OR1A1: variants seen among roughly 807,000 people sequenced by gnomAD.
OR1A1 encodes the protein olfactory receptor family 1 subfamily A member 1.
For missense variants in OR1A1, 391 were observed against 379.9 expected, an observed-to-expected ratio of 1.03 and a Z score of -0.24; for synonymous variants, 145 against 147.8, an observed-to-expected ratio of 0.98 and a Z score of 0.13.
At position 3,216,718 on chromosome 17, in the gene OR1A1, G is replaced by A; in HGVS notation, c.*168G>A. The A allele has an allele frequency of 1.7e-6, 1 of 580,408 alleles. No homozygotes were observed. Among genetic ancestry groups the A allele is most frequent in the South Asian group, 2.8e-5 (1 of 36,010 alleles). The allele number at this position is 580,408 out of a possible 1,614,324, so 36.0% of individuals were successfully genotyped here. On this transcript the variant is annotated 3_prime_UTR_variant, in exon 4 of 4. Coordinates refer to ENST00000641732, the MANE Select transcript of OR1A1 (RefSeq NM_014565.3). ...AATAAGTTAATAATAAGTGATTATT[G>A]AAATTACCACTTTCAACTCATTGCT...
chr17:3,210,852 C>T lies in OR1A1; in HGVS notation c.-138-1615C>T, dbSNP rs527816224. Reference sequence around the variant, plus strand: ...AACTCCTGGCCTCAGGTGATCTGCCCGCCTCAGCCTCCCAAAGTGCTGGGA... The same window carrying T: ...AACTCCTGGCCTCAGGTGATCTGCCTGCCTCAGCCTCCCAAAGTGCTGGGA... On this transcript the variant is annotated intron_variant, in intron 2 of 3. Coordinates refer to ENST00000641732, the MANE Select transcript of OR1A1 (RefSeq NM_014565.3). Among the ~76,000 whole-genome samples, 6 of 152,078 alleles carry T rather than the reference C, an allele frequency of 3.9e-5. No homozygotes were observed. In the East Asian group the frequency reaches 5.8e-4, roughly 15 times the overall value.
chr17:3,217,912 C>T lies in OR1A1; in HGVS notation c.*1362C>T, dbSNP rs2150598221. 6.6e-6 allele frequency: 1 copy of T among 152,226 alleles called. No individual in the cohort carries two copies. The highest frequency in any genetic ancestry group is 2.4e-5 in the African/African-American group (1 of 41,538). The allele number at this position is 152,226 out of a possible 1,614,324, so 9.4% of individuals were successfully genotyped here. ...CACCAAAAGCAATGGCAACAAAAGCCAAAATTGACAAATGGGATCTAATTA... is the reference window on the plus strand; with the variant it reads ...CACCAAAAGCAATGGCAACAAAAGCTAAAATTGACAAATGGGATCTAATTA... On this transcript the variant is annotated 3_prime_UTR_variant, in exon 4 of 4. Coordinates refer to ENST00000641732, the MANE Select transcript of OR1A1 (RefSeq NM_014565.3).
At chr17:3,215,322 T>C in intron 3 of OR1A1, 1 of 348,672 alleles carries the variant, frequency 2.9e-6, no homozygotes. Context: ...ATGACAATTA[T>C]TTGTTATATG....
At chr17:3,214,347 A>C (rs2048456342) in intron 3 of OR1A1, 2 of 122,124 alleles carry the variant, frequency 1.6e-5, no homozygotes, top group Admixed American at 1.6e-4. Context: ...TAAAAATACA[A>C]ACAATAACAA....
chr17:3,215,458 A>T (rs978146104), intron 3 of OR1A1, among the ~76,000 whole-genome samples, 158 bp from the exon 4 acceptor site: 1 of 152,236 alleles, frequency 6.6e-6, no homozygotes, highest in African/African-American at 2.4e-5. Context: ...ATTGACCTAC[A>T]GGGATGTTTC....
At chr17:3,213,940 A>G (rs894289106) in intron 3 of OR1A1, 1 of 152,256 alleles carries the variant, frequency 6.6e-6, no homozygotes, top group African/African-American at 2.4e-5. Flanking sequence ...CGGATCAAAG[A>G]GGAGGAAACC....
intron 2 of OR1A1, among the ~76,000 whole-genome samples, chr17:3,210,844 G>C (rs1365888269): frequency 6.6e-6 from 1 of 152,122 alleles, no homozygotes; most frequent in Non-Finnish European, 1.5e-5. Flanking sequence ...GGCCTCAGGT[G>C]ATCTGCCCGC....
chr17:3,213,270 G>A (rs936690273), intron 3 of OR1A1: 2 of 152,140 alleles, frequency 1.3e-5, no homozygotes, highest in African/African-American at 2.4e-5. Context: ...TAGAAAAAAA[G>A]TAATTTATTG....
At position 3,216,322 on chromosome 17, in the gene OR1A1, C is replaced by G. The variant is rs2048469230; in HGVS notation, c.702C>G (p.Leu234=). 6.2e-7 allele frequency: 1 copy of G among 1,614,080 alleles called. No homozygotes were observed. Among genetic ancestry groups the G allele is most frequent in the African/African-American group, 1.3e-5 (1 of 74,928 alleles). ...VFQVPSTKGV[L]KAFSTCGSHL... is the part of the protein sequence containing the mutation. ...AGGTTCCTTCCACCAAGGGCGTGCT[C>G]AAGGCCTTCTCCACCTGTGGTTCCC... is the stretch of plus-strand genomic sequence containing the variant. Residue 234 remains leucine (L), a synonymous_variant, in exon 4 of 4, where the codon CTC becomes CTG. Coordinates refer to ENST00000641732, the MANE Select transcript of OR1A1 (RefSeq NM_014565.3).
At chr17:3,210,233 C>T (rs1162559407) in intron 2 of OR1A1, among the ~76,000 whole-genome samples, 1 of 151,594 alleles carries the variant, frequency 6.6e-6, no homozygotes, top group Non-Finnish European at 1.5e-5. Flanking sequence ...TCAAGCAATT[C>T]TCCCACATCA....
rs1162672745 is a variant in OR1A1 at position 3,208,888 on chromosome 17, A to G, written c.-249A>G. The G allele has an allele frequency of 2.0e-5, 3 of 152,122 alleles. No homozygotes were observed. Among genetic ancestry groups the G allele is most frequent in the African/African-American group, 7.2e-5 (3 of 41,392 alleles). The allele number at this position is 152,122 out of a possible 1,614,324, so 9.4% of individuals were successfully genotyped here. On this transcript the variant is annotated 5_prime_UTR_variant, in exon 2 of 4. Coordinates refer to ENST00000641732, the MANE Select transcript of OR1A1 (RefSeq NM_014565.3). ...CATTCTATCTCCTACCTTAAATGAA[A>G]CATGAACTTGAGCCACCCAGCTCCA...
chr17:3,211,183 A>G (rs1312848242), intron 2 of OR1A1, among the ~76,000 whole-genome samples: 1 of 152,184 alleles, frequency 6.6e-6, no homozygotes, highest in Non-Finnish European at 1.5e-5. Flanking sequence ...TTCCTAGTCG[A>G]TTAGACCAAA....
At chr17:3,211,723 A>G (rs901617907) in intron 2 of OR1A1, among the ~76,000 whole-genome samples, 2 of 152,174 alleles carry the variant, frequency 1.3e-5, no homozygotes, top group African/African-American at 4.8e-5. Flanking sequence ...TTTAGAGAGT[A>G]ATTGGAAGAG....
chr17:3,211,137 A>G (rs1255611343), intron 2 of OR1A1, among the ~76,000 whole-genome samples: 1 of 152,158 alleles, frequency 6.6e-6, no homozygotes, highest in African/African-American at 2.4e-5. Context: ...CATGTCACAC[A>G]CCACTTTCTA....
At chr17:3,209,201 C>A (rs12950688) in intron 2 of OR1A1, among the ~76,000 whole-genome samples, 2 of 151,780 alleles carry the variant, frequency 1.3e-5, no homozygotes, top group Admixed American at 6.6e-5. Context: ...CTCTTCCCCC[C>A]GAGTCCCCAA....
In OR1A1 at chr17:3,216,554, A is replaced by T; in HGVS notation, c.*4A>T. On this transcript the variant is annotated 3_prime_UTR_variant, in exon 4 of 4. Transcript: ENST00000641732. ...CAACAAGAGAATCTCCTCGTAACCAATGTGAGGGCCTACATTGGATACCGT... is the reference window on the plus strand; with the variant it reads ...CAACAAGAGAATCTCCTCGTAACCATTGTGAGGGCCTACATTGGATACCGT... 6.2e-7 allele frequency: 1 copy of T among 1,602,970 alleles called. No homozygotes were observed.
At chr17:3,208,236 G>GT (rs1415442346) in intron 1 of OR1A1, among the ~76,000 whole-genome samples, 2 of 151,960 alleles carry the variant, frequency 1.3e-5, no homozygotes. Context: ...TTCTGATAAT[G>GT]TTTCTCCTTG....
At chr17:3,210,675 G>A (rs33998732) in intron 2 of OR1A1, among the ~76,000 whole-genome samples, 37,882 of 151,738 alleles carry the variant, frequency 0.25, 5,486 homozygotes, top group East Asian at 0.57. Context: ...GCGCAATCTC[G>A]ACTCACTGCA....
In OR1A1 at chr17:3,216,566, A is replaced by G. The variant is rs1183053134; in HGVS notation, c.*16A>G. 5.0e-6 allele frequency: 8 copies of G among 1,586,762 alleles called. No homozygotes were observed. In the East Asian group the frequency reaches 6.7e-5, roughly 13 times the overall value. ...CTCCTCGTAACCAATGTGAGGGCCT[A>G]CATTGGATACCGTAGTCACCAGTTA... is the stretch of plus-strand genomic sequence containing the variant. On this transcript the variant is annotated 3_prime_UTR_variant, in exon 4 of 4. Coordinates refer to ENST00000641732, the MANE Select transcript of OR1A1 (RefSeq NM_014565.3).
Sources: allele counts gnomAD v4.1 joint callset (sites outside exome capture counted in the v4.1 genomes callset), GRCh38; gene constraint gnomAD v4.1.1; transcripts MANE v1.5; gene names NCBI Gene and HGNC (gene_info 2026-07-23, HGNC 2026-07-21).